The following DNAH14 variants were observed in gnomAD, a reference collection of about 807,000 sequenced individuals.
DNAH14 encodes the protein dynein axonemal heavy chain 14.
In DNAH14, 478 loss-of-function variants were observed where a neutral mutation model predicts 520.9. The observed-to-expected ratio is 0.92, with a 90% CI of 0.85 to 0.99. DNAH14 has a LOEUF of 0.99. Ranked by LOEUF, DNAH14 falls within the 50% of genes least tolerant of loss-of-function variation. The probability of loss-of-function intolerance (pLI) is 0.00; values close to 1 mark genes in which losing one functional copy is unlikely to be tolerated. For missense variants in DNAH14, 4,831 were observed against 5,234.5 expected (o/e 0.92, Z 2.38); for synonymous variants, 1,581 against 1,757.2 (o/e 0.90, Z 2.51).
At chr1:225,265,697 C>T (rs1332650022) in intron 48 of DNAH14, among the ~76,000 whole-genome samples, 1 of 152,082 alleles carries the variant, frequency 6.6e-6, no homozygotes, top group Non-Finnish European at 1.5e-5. Flanking sequence ...TGGCTTGGGA[C>T]TCTAAGAGTT....
chr1:225,320,077 C>A (rs1208326844), intron 61 of DNAH14, among the ~76,000 whole-genome samples: 2 of 152,112 alleles, frequency 1.3e-5, no homozygotes, highest in African/African-American at 4.8e-5. Context: ...AGCAGATATT[C>A]CCTAGAGAGT....
chr1:225,266,808 A>T, intron 49 of DNAH14, 39 bp downstream of exon 49: 1 of 1,434,274 alleles, frequency 7.0e-7, no homozygotes, highest in Non-Finnish European at 9.2e-7. Flanking sequence ...ATTAAGTATT[A>T]TTTCTCACAC....
chr1:225,247,987 C>G (rs1187819381), intron 43 of DNAH14, among the ~76,000 whole-genome samples: 3 of 152,066 alleles, frequency 2.0e-5, no homozygotes, highest in Non-Finnish European at 2.9e-5. Context: ...CCACTGCACT[C>G]CAGCCTGGGT....
At chr1:225,024,961 C>G (rs2065982963) in intron 11 of DNAH14, among the ~76,000 whole-genome samples, 1 of 151,952 alleles carries the variant, frequency 6.6e-6, no homozygotes, top group South Asian at 2.1e-4. Context: ...AAATGTTTTT[C>G]CATTGTTGTA....
At chr1:225,321,540 G>A (rs1334488616) in intron 61 of DNAH14, among the ~76,000 whole-genome samples, 1 of 152,190 alleles carries the variant, frequency 6.6e-6, no homozygotes, top group Non-Finnish European at 1.5e-5. Context: ...TCTTTGGGAA[G>A]TCTGTGCGAT....
Position 225,168,033 on chromosome 1 carries a change from G to A in DNAH14, c.5535+5G>A. On this transcript the variant is annotated splice_donor_5th_base_variant and intron_variant, in intron 36 of 85. Transcript: ENST00000682510. ...CAGTTTTATAATCAACTTCAGGTAA[G>A]TATAAAATGGCATGTTAGCAATCCT... 6.9e-7 allele frequency: 1 copy of A among 1,449,872 alleles called. No homozygotes were observed. The highest frequency in any genetic ancestry group is 9.4e-7 in the Non-Finnish European group (1 of 1,067,714). The allele number at this position is 1,449,872 out of a possible 1,614,324, so 89.8% of individuals were successfully genotyped here.
chr1:225,359,326 C>T (rs927549428), intron 74 of DNAH14, among the ~76,000 whole-genome samples: 19 of 152,288 alleles, frequency 1.2e-4, no homozygotes, highest in African/African-American at 4.6e-4. Context: ...TGGACTCGCC[C>T]TTATGTCTAT....
At chr1:225,203,685 A>G (rs1274563669) in intron 38 of DNAH14, among the ~76,000 whole-genome samples, 1 of 152,226 alleles carries the variant, frequency 6.6e-6, no homozygotes, top group Non-Finnish European at 1.5e-5. Context: ...GGATAATTTA[A>G]TTTTCATTAA....
At chr1:225,079,623 G>A in intron 18 of DNAH14, 75 bp downstream of exon 18, 1 of 1,139,680 alleles carries the variant, frequency 8.8e-7, no homozygotes, top group African/African-American at 1.6e-5. Context: ...CAGGCATTTG[G>A]GTATTTGCTT....
At chr1:225,061,786 A>G (rs1334314481) in intron 17 of DNAH14, among the ~76,000 whole-genome samples, 1 of 152,190 alleles carries the variant, frequency 6.6e-6, no homozygotes, top group Non-Finnish European at 1.5e-5. Flanking sequence ...ACCTGGCTGT[A>G]TATTCTATTT....
chr1:225,397,539 T>C (rs1363279593), intron 84 of DNAH14: 2 of 152,252 alleles, frequency 1.3e-5, no homozygotes, highest in Non-Finnish European at 2.9e-5. Flanking sequence ...GCCTGGTACT[T>C]GGCCACCAGC....
intron 41 of DNAH14, among the ~76,000 whole-genome samples, chr1:225,210,319 G>A (rs573016994): frequency 2.0e-5 from 3 of 152,258 alleles, no homozygotes; most frequent in South Asian, 2.1e-4. Context: ...CTCGAGCTTG[G>A]TATGGGGAAG....
chr1:225,119,147 C>T (rs749764269), intron 25 of DNAH14, 73 bp from the exon 26 acceptor site: 149 of 1,153,892 alleles, frequency 1.3e-4, no homozygotes, highest in Non-Finnish European at 1.7e-4. Flanking sequence ...ATTTAGTCTA[C>T]AGGCTTGTCA....
At chr1:225,260,501 C>T (rs1453589265) in intron 46 of DNAH14, among the ~76,000 whole-genome samples, 2 of 152,096 alleles carry the variant, frequency 1.3e-5, no homozygotes, top group Non-Finnish European at 2.9e-5. Flanking sequence ...GGCCCTTTAT[C>T]CTGTTTCATT....
rs897021364 is a variant in DNAH14, at chr1:224,929,780, G to A, written c.-89G>A. The stretch of plus-strand genomic sequence containing the variant: ...TGGCGCTCGCCGGCGTGGGCGGGCC[G>A]GACCTTCGCCGCTTCCAGGAAGGGC... On this transcript the variant is annotated 5_prime_UTR_variant, in exon 1 of 86. Coordinates refer to ENST00000682510, the MANE Select transcript of DNAH14 (RefSeq NM_001367479.1). The A allele has an allele frequency of 1.3e-5, 9 of 700,932 alleles. No homozygotes were observed. In the Admixed American group the frequency reaches 1.8e-4, roughly 14 times the overall value. 43.4% of individuals were successfully genotyped at this position (700,932 alleles called of 1,614,324 possible).
At chr1:225,145,835 G>C (rs1474432674) in intron 30 of DNAH14, among the ~76,000 whole-genome samples, 3 of 152,208 alleles carry the variant, frequency 2.0e-5, no homozygotes, top group South Asian at 2.1e-4. Context: ...TGTCAGTCTT[G>C]TTTCGTTTGC....
intron 28 of DNAH14, 64 bp from the exon 29 acceptor site, chr1:225,144,333 G>T: frequency 1.4e-5 from 17 of 1,179,608 alleles, no homozygotes; most frequent in South Asian, 3.1e-5. Flanking sequence ...TTCTTTTTCT[G>T]CATGTGAAAA....
chr1:225,259,346 G>A, intron 46 of DNAH14, 93 bp downstream of exon 46: 1 of 944,544 alleles, frequency 1.1e-6, no homozygotes. Flanking sequence ...AAGCAAATCT[G>A]TTATGTAAAA....
rs181003399 is a variant in DNAH14, at chr1:224,939,174, T to G, written c.-34+9339T>G. Among the ~76,000 whole-genome samples, 3 of 152,364 alleles carry G rather than the reference T, an allele frequency of 2.0e-5. No individual in the cohort carries two copies. In the East Asian group the frequency reaches 5.8e-4, roughly 29 times the overall value. Reference sequence around the variant, plus strand: ...CAATTTTAAAAATACAATACTTGACTGACAGTTATTTTCTTCTCAGCATTT... The same window carrying G: ...CAATTTTAAAAATACAATACTTGACGGACAGTTATTTTCTTCTCAGCATTT... On this transcript the variant is annotated intron_variant, in intron 1 of 85. Coordinates refer to ENST00000682510, the MANE Select transcript of DNAH14 (RefSeq NM_001367479.1).
Sources: allele counts gnomAD v4.1 joint callset (sites outside exome capture counted in the v4.1 genomes callset), GRCh38; gene constraint gnomAD v4.1.1; transcripts MANE v1.5; gene names NCBI Gene and HGNC (gene_info 2026-07-23, HGNC 2026-07-21).